TMEM232: variants seen among roughly 807,000 people sequenced by gnomAD.
The protein encoded by TMEM232 is transmembrane protein 232.
A neutral mutation model predicts 78.8 loss-of-function variants in TMEM232; 80 were observed. That is an observed-to-expected ratio of 1.01 (90% CI 0.85 to 1.22). The LOEUF (loss-of-function observed/expected upper bound fraction) is 1.22. Ranked by LOEUF, TMEM232 falls within the 50% of genes most tolerant of loss-of-function variation. TMEM232 has a pLI of 0.00. For synonymous variants in TMEM232, 297 were observed against 254.3 expected (o/e 1.17, Z -1.60); for missense variants, 881 against 742.2 (o/e 1.19, Z -2.17).
At chr5:110,456,993 G>C (rs541009739) in intron 12 of TMEM232, among the ~76,000 whole-genome samples, 37 of 151,944 alleles carry the variant, frequency 2.4e-4, no homozygotes, top group Non-Finnish European at 5.0e-4. Flanking sequence ...CGAAAAGCAT[G>C]ACTTATTACA....
intron 1 of TMEM232, among the ~76,000 whole-genome samples, chr5:110,709,729 G>A (rs1324329099): frequency 6.6e-6 from 1 of 151,986 alleles, no homozygotes; most frequent in Non-Finnish European, 1.5e-5. Flanking sequence ...GGGATATAAT[G>A]AGAGCAGTAC....
intron 10 of TMEM232, among the ~76,000 whole-genome samples, chr5:110,599,726 T>A (rs1323631085): frequency 2.0e-5 from 3 of 152,176 alleles, no homozygotes; most frequent in African/African-American, 7.2e-5. Flanking sequence ...TGGGAGACTT[T>A]AATACCCCAC....
chr5:110,666,896 T>C (rs1226461951), intron 2 of TMEM232: 1 of 164,932 alleles, frequency 6.1e-6, no homozygotes, highest in Non-Finnish European at 1.3e-5. Context: ...AAAAACATTC[T>C]ATTTTGGCTA....
At chr5:110,404,808 G>A (rs1755726442) in intron 2 of TMEM232, among the ~76,000 whole-genome samples, 1 of 152,044 alleles carries the variant, frequency 6.6e-6, no homozygotes, top group Admixed American at 6.6e-5. Flanking sequence ...TCTCTACCTA[G>A]GGAACAGCTC....
At chr5:110,575,418 G>A (rs1777464118) in intron 10 of TMEM232, among the ~76,000 whole-genome samples, 1 of 151,974 alleles carries the variant, frequency 6.6e-6, no homozygotes, top group South Asian at 2.1e-4. Flanking sequence ...AAAGGTAGAT[G>A]AATAATGAAG....
chr5:110,474,591 A>C lies in TMEM232; in HGVS notation c.1704-49675T>G, dbSNP rs144450773. On this transcript the variant is annotated intron_variant, in intron 12 of 13. Coordinates refer to ENST00000455884, the MANE Select transcript of TMEM232 (RefSeq NM_001039763.4). ...GAGGAAAGGCAAGGACATAAAAGGCATACATATTGGAATTTTAAAGAACAG... is the reference window on the plus strand; with the variant it reads ...GAGGAAAGGCAAGGACATAAAAGGCCTACATATTGGAATTTTAAAGAACAG... 6.5e-3 allele frequency among the ~76,000 whole-genome samples: 993 copies of C among 152,074 alleles called. 19 individuals are homozygous for C. Among genetic ancestry groups the C allele is most frequent in the African/African-American group, 0.022 (919 of 41,558 alleles).
At chr5:110,451,316 A>G (rs1760251596) in intron 12 of TMEM232, among the ~76,000 whole-genome samples, 1 of 152,210 alleles carries the variant, frequency 6.6e-6, no homozygotes, top group Non-Finnish European at 1.5e-5. Context: ...AACCTAGAAT[A>G]TATGCCTGAA....
intron 10 of TMEM232, among the ~76,000 whole-genome samples, chr5:110,577,946 G>A (rs1197567062): frequency 2.6e-5 from 4 of 151,454 alleles, no homozygotes; most frequent in African/African-American, 9.7e-5. Context: ...TAGTGACCTG[G>A]GTGATAAAAT....
At chr5:110,615,399 T>A (rs1455775950) in intron 8 of TMEM232, among the ~76,000 whole-genome samples, 1 of 151,984 alleles carries the variant, frequency 6.6e-6, no homozygotes, top group Non-Finnish European at 1.5e-5. Context: ...TATTTTTATA[T>A]TCATTGAAAA....
intron 11 of TMEM232, among the ~76,000 whole-genome samples, chr5:110,552,742 A>G (rs1164941798): frequency 6.6e-6 from 1 of 152,174 alleles, no homozygotes; most frequent in Non-Finnish European, 1.5e-5. Context: ...CTTAATGTAT[A>G]TCTGCAAATA....
chr5:110,595,281 A>G (rs987040592), intron 10 of TMEM232, among the ~76,000 whole-genome samples: 1 of 152,230 alleles, frequency 6.6e-6, no homozygotes, highest in African/African-American at 2.4e-5. Flanking sequence ...CATCAGCATC[A>G]AAGATCAAAG....
chr5:110,734,545 G>A (rs970537187), intron 2 of TMEM232, among the ~76,000 whole-genome samples: 4 of 152,120 alleles, frequency 2.6e-5, no homozygotes, highest in Admixed American at 6.5e-5. Flanking sequence ...CCAATAATTC[G>A]GGAATCACCA....
At chr5:110,657,728 T>C (rs1368171542) in intron 2 of TMEM232, among the ~76,000 whole-genome samples, 1 of 152,128 alleles carries the variant, frequency 6.6e-6, no homozygotes, top group African/African-American at 2.4e-5. Context: ...TATTTCAAGA[T>C]AGCCAGAAGA....
chr5:110,738,332 C>A, upstream of TMEM232: 1 of 1,068,352 alleles, frequency 9.4e-7, no homozygotes, highest in Non-Finnish European at 1.2e-6. Flanking sequence ...ATTTCAATAC[C>A]CTGAGTGATT....
intron 12 of TMEM232, among the ~76,000 whole-genome samples, chr5:110,429,138 G>T (rs549817846): frequency 6.6e-6 from 1 of 151,930 alleles, no homozygotes; most frequent in Non-Finnish European, 1.5e-5. Flanking sequence ...TCACATGGGG[G>T]AAGACATATA....
intron 3 of TMEM232, among the ~76,000 whole-genome samples, chr5:110,395,542 T>G (rs571738516): frequency 2.0e-5 from 3 of 152,280 alleles, no homozygotes; most frequent in South Asian, 4.1e-4. Flanking sequence ...TTCATGTTAG[T>G]TGGTACTCAT....
chr5:110,547,268 T>C (rs940277919), intron 11 of TMEM232, among the ~76,000 whole-genome samples: 2 of 152,124 alleles, frequency 1.3e-5, no homozygotes, highest in Non-Finnish European at 2.9e-5. Flanking sequence ...AAAATGTAAA[T>C]AGATGTTTGT....
At position 110,551,378 on chromosome 5, in the gene TMEM232, G is replaced by A. The variant is rs779346133; in HGVS notation, c.1455+17069C>T. On this transcript the variant is annotated intron_variant, in intron 11 of 13. Transcript: ENST00000455884. ...GATGGGATTACAGGCACTTGCCACC[G>A]CGCCTGGCTAATTTTTTCTTTTTTT... Among the ~76,000 whole-genome samples, 62 of 151,762 alleles carry A rather than the reference G, an allele frequency of 4.1e-4. 1 individual carries two copies. The highest frequency in any genetic ancestry group is 2.1e-4 in the South Asian group (1 of 4,818).
intron 11 of TMEM232, among the ~76,000 whole-genome samples, chr5:110,540,423 A>G (rs890320500): frequency 6.6e-6 from 1 of 152,150 alleles, no homozygotes; most frequent in Non-Finnish European, 1.5e-5. Flanking sequence ...ACCTAATACC[A>G]TGCCACACTC....
Sources: gnomAD v4.1 joint callset for allele counts (sites outside exome capture counted in the v4.1 genomes callset) on GRCh38, gnomAD v4.1.1 for gene constraint, MANE v1.5 for transcripts, NCBI Gene and HGNC (gene_info 2026-07-23, HGNC 2026-07-21) for gene names.